The following PAK5 variants were observed in gnomAD, a reference collection of about 807,000 sequenced individuals.
PAK5 encodes p21 (RAC1) activated kinase 5.
In PAK5, 16 loss-of-function variants were observed where a neutral mutation model predicts 65.9. That is an observed-to-expected ratio of 0.24 (90% CI 0.16 to 0.37). The LOEUF (loss-of-function observed/expected upper bound fraction) is 0.37. PAK5 is among the 10% of genes least tolerant of loss of function. PAK5 has a pLI of 1.00. For synonymous variants in PAK5, 371 were observed against 354.9 expected, an observed-to-expected ratio of 1.05 and a Z score of -0.51; for missense variants, 785 against 903.9, an observed-to-expected ratio of 0.87 and a Z score of 1.69.
chr20:9,683,141 A>G (rs2047672640), intron 2 of PAK5, among the ~76,000 whole-genome samples: 1 of 152,226 alleles, frequency 6.6e-6, no homozygotes, highest in Non-Finnish European at 1.5e-5. Context: ...TGCTGTTCAA[A>G]TATTCACACA....
intron 2 of PAK5, among the ~76,000 whole-genome samples, chr20:9,706,355 C>T (rs545755067): frequency 6.6e-6 from 1 of 152,282 alleles, no homozygotes; most frequent in African/African-American, 2.4e-5. Context: ...AACACAGTCA[C>T]ATGCTGAAAA....
At chr20:9,617,780 C>A (rs1415435024) in intron 3 of PAK5, among the ~76,000 whole-genome samples, 1 of 152,010 alleles carries the variant, frequency 6.6e-6, no homozygotes, top group Non-Finnish European at 1.5e-5. Context: ...TGGTCTCGAT[C>A]TCCTGACCTC....
chr20:9,629,443 T>C (rs1029741717), intron 3 of PAK5, among the ~76,000 whole-genome samples: 2 of 152,172 alleles, frequency 1.3e-5, no homozygotes, highest in South Asian at 2.1e-4. Flanking sequence ...TAGCCTTTTC[T>C]CTGGGTGGGC....
chr20:9,777,905 A>G (rs1281730892), intron 1 of PAK5, among the ~76,000 whole-genome samples: 1 of 152,146 alleles, frequency 6.6e-6, no homozygotes, highest in African/African-American at 2.4e-5. Flanking sequence ...GACAAGAATG[A>G]TATTTCCTGC....
At chr20:9,774,919 G>A (rs6056863) in intron 1 of PAK5, among the ~76,000 whole-genome samples, 56,477 of 152,038 alleles carry the variant, frequency 0.37, 11,187 homozygotes, top group African/African-American at 0.52. Context: ...TGGCGCCACC[G>A]CACTCCAGCC....
rs367637175 is a variant in PAK5 at position 9,670,590 on chromosome 20, A to G, written c.-11-26251T>C. 2.2e-3 allele frequency among the ~76,000 whole-genome samples: 334 copies of G among 152,304 alleles called. 3 individuals are homozygous for G. The Middle Eastern group carries it at 0.024, about 11-fold the overall frequency. ...GTCTTCTTTTGAGAAGTGTCTGTTC[A>G]TATCCTCCACCCACTTTTTAAATGG... On this transcript the variant is annotated intron_variant, in intron 2 of 9. Transcript: ENST00000353224.
At chr20:9,549,957 A>G (rs1050611527) in intron 7 of PAK5, among the ~76,000 whole-genome samples, 2 of 152,140 alleles carry the variant, frequency 1.3e-5, no homozygotes, top group East Asian at 1.9e-4. Context: ...CTATGAATCC[A>G]TGTTTTTCAT....
At chr20:9,744,665 G>C (rs975110900) in intron 1 of PAK5, among the ~76,000 whole-genome samples, 1 of 152,180 alleles carries the variant, frequency 6.6e-6, no homozygotes, top group Non-Finnish European at 1.5e-5. Flanking sequence ...AACTTCACAT[G>C]AATGAGATGT....
intron 2 of PAK5, among the ~76,000 whole-genome samples, chr20:9,664,753 C>T (rs1260253827): frequency 2.0e-5 from 3 of 152,076 alleles, no homozygotes; most frequent in Non-Finnish European, 2.9e-5. Flanking sequence ...TCATAGCCTT[C>T]AGCTTCATGT....
rs759686411 is a variant in PAK5 at position 9,563,045 on chromosome 20, C to T, written c.1483-21G>A. The stretch of plus-strand genomic sequence containing the variant: ...ACGACCTGGGGAAACGGGAAATATA[C>T]TTTTGACTTGTGAAGATGAAGTTGC... On this transcript the variant is annotated intron_variant, in intron 5 of 9. Transcript: ENST00000353224. 209 of 1,609,514 alleles carry T rather than the reference C, an allele frequency of 1.3e-4. 1 individual carries two copies. Among genetic ancestry groups the T allele is most frequent in the Non-Finnish European group, 1.7e-4 (205 of 1,177,320 alleles).
chr20:9,546,519 T>C (rs1170037144), intron 7 of PAK5, among the ~76,000 whole-genome samples: 2 of 152,170 alleles, frequency 1.3e-5, no homozygotes, highest in Non-Finnish European at 2.9e-5. Context: ...TGAGTGGTAG[T>C]GAAACCCTTG....
chr20:9,773,608 G>T (rs993511654), intron 1 of PAK5, among the ~76,000 whole-genome samples: 1 of 152,182 alleles, frequency 6.6e-6, no homozygotes, highest in Admixed American at 6.5e-5. Flanking sequence ...AGAAAGAGAA[G>T]AGAAAGAAAA....
intron 3 of PAK5, among the ~76,000 whole-genome samples, chr20:9,628,128 A>G (rs2046872591): frequency 6.6e-6 from 1 of 152,174 alleles, no homozygotes; most frequent in Non-Finnish European, 1.5e-5. Flanking sequence ...ACATGTGACC[A>G]TTTGGTTTGA....
At chr20:9,793,133 T>C (rs2049067765) in intron 1 of PAK5, among the ~76,000 whole-genome samples, 1 of 152,172 alleles carries the variant, frequency 6.6e-6, no homozygotes, top group African/African-American at 2.4e-5. Flanking sequence ...TCACTCCCTC[T>C]ACCTCTCAGT....
intron 1 of PAK5, among the ~76,000 whole-genome samples, chr20:9,737,722 A>G (rs1477994916): frequency 6.6e-6 from 1 of 152,262 alleles, no homozygotes; most frequent in Non-Finnish European, 1.5e-5. Flanking sequence ...AACTATACAC[A>G]TAAAATATTT....
chr20:9,750,346 C>G (rs994054409), intron 1 of PAK5, among the ~76,000 whole-genome samples: 1 of 152,032 alleles, frequency 6.6e-6, no homozygotes, highest in Middle Eastern at 3.2e-3. Flanking sequence ...GAAGGAGGCT[C>G]TAATTTTAAA....
chr20:9,825,368 T>C (rs2049471877), intron 1 of PAK5, among the ~76,000 whole-genome samples: 1 of 152,214 alleles, frequency 6.6e-6, no homozygotes, highest in Admixed American at 6.5e-5. Flanking sequence ...CCCTGGGTGA[T>C]TCCAATATTG....
rs909458698 is a variant in PAK5 at position 9,797,513 on chromosome 20, G to A, written c.-162+41249C>T. On this transcript the variant is annotated intron_variant, in intron 1 of 9. Transcript: ENST00000353224. The stretch of plus-strand genomic sequence containing the variant: ...GCCTGTTGTGGGGTGGGGGGAGGGC[G>A]GAGGGATAGCATTAGGAGACATACC... Among the ~76,000 whole-genome samples the A allele has an allele frequency of 7.5e-5, 11 of 146,754 alleles. 1 individual carries two copies. The highest frequency in any genetic ancestry group is 6.8e-3 in the Middle Eastern group (2 of 292).
At chr20:9,612,907 T>C (rs1273458621) in intron 3 of PAK5, among the ~76,000 whole-genome samples, 1 of 152,054 alleles carries the variant, frequency 6.6e-6, no homozygotes, top group Non-Finnish European at 1.5e-5. Context: ...CCCCCCCCAT[T>C]AGACTATACA....
Sources: allele counts gnomAD v4.1 joint callset (sites outside exome capture counted in the v4.1 genomes callset), GRCh38; gene constraint gnomAD v4.1.1; transcripts MANE v1.5; gene names NCBI Gene and HGNC (gene_info 2026-07-23, HGNC 2026-07-21).